The following TTN variants were observed in gnomAD, a reference collection of about 807,000 sequenced individuals.
TTN encodes titin, also known as connectin.
In TTN, 1,525 loss-of-function variants were observed where a neutral mutation model predicts 3,223.0. The observed-to-expected ratio is 0.47, with a 90% CI of 0.45 to 0.49. TTN has a LOEUF of 0.49. Ranked by LOEUF, TTN falls within the 20% of genes least tolerant of loss-of-function variation. The pLI, the probability that TTN is intolerant of heterozygous loss-of-function variation, is 0.00. For missense variants in TTN, 40,786 were observed against 43,424.0 expected, an observed-to-expected ratio of 0.94 and a Z score of 5.40; for synonymous variants, 14,094 against 15,161.0, an observed-to-expected ratio of 0.93 and a Z score of 5.17.
intron 43 of TTN, among the ~76,000 whole-genome samples, chr2:178,762,413 A>G (rs1293361463): frequency 6.6e-6 from 1 of 152,102 alleles, no homozygotes; most frequent in Admixed American, 6.5e-5. Flanking sequence ...AGATAGTGAA[A>G]TTTTTCTCTT....
At chr2:178,542,219 C>G (rs373730012) in intron 349 of TTN, 45 bp downstream of exon 349, 6 of 1,539,098 alleles carry the variant, frequency 3.9e-6, no homozygotes, top group Non-Finnish European at 4.4e-6. Flanking sequence ...TGTTAACATT[C>G]AGAATCAGAG....
rs939966359 is a variant in TTN, at chr2:178,769,763, T to C, written c.8818A>G (p.Ile2940Val). The C allele has an allele frequency of 6.2e-7, 1 of 1,614,092 alleles. No individual in the cohort carries two copies. Among genetic ancestry groups the C allele is most frequent in the Non-Finnish European group, 8.5e-7 (1 of 1,179,994 alleles). Residue 2940 changes from isoleucine to valine, a missense_variant, in exon 37 of 363, where the codon ATC becomes GTC. Transcript: ENST00000589042. The part of the protein sequence containing the change: ...VVQGKLHQLI[I>V]MNTSTEDSAE... ...GAGTCCTCTGTGCTGGTGTTCATGA[T>C]GATCAGCTGATGGAGTTTTCCCTGC...
chr2:178,559,253 A>C (rs779261376), intron 326 of TTN, 58 bp downstream of exon 326: 7 of 1,436,422 alleles, frequency 4.9e-6, no homozygotes, highest in Non-Finnish European at 6.6e-6. Flanking sequence ...AGAATGACTC[A>C]CACTATTCTA....
chr2:178,726,914 A>C (rs1270847149), intron 69 of TTN, 176 bp downstream of exon 69: 4 of 531,874 alleles, frequency 7.5e-6, no homozygotes, highest in Non-Finnish European at 1.2e-5. Context: ...ATGACTAGTT[A>C]CATGTAAGCA....
rs2056008838 is a variant in TTN at position 178,610,302 on chromosome 2, C to T, written c.51224G>A (p.Gly17075Asp). Residue 17075 changes from glycine to aspartate, a missense_variant, in exon 271 of 363, where the codon GGT becomes GAT. Coordinates refer to ENST00000589042, the MANE Select transcript of TTN (RefSeq NM_001267550.2). The stretch of plus-strand genomic sequence containing the variant: ...GACATAATGAAGAATTGGGGTTCCA[C>T]CATCAAATTCTGGAGGTTCCCAAGT... ...KLTWEPPEFD[G>D]GTPILHYVLE... 6.2e-7 allele frequency: 1 copy of T among 1,612,792 alleles called. No homozygotes were observed. Among genetic ancestry groups the T allele is most frequent in the Admixed American group, 1.7e-5 (1 of 59,940 alleles).
chr2:178,534,476 T>C lies in TTN; in HGVS notation c.102139A>G (p.Met34047Val), dbSNP rs755244797. The part of the protein sequence containing the change: ...EAFKEISIEA[M>V]DFVDRLLVKE... Reference sequence around the variant, plus strand: ...ACTAACAACCGGTCAACAAAATCCATGGCTTCAATGCTAATCTCTTTGAAT... The same window carrying C: ...ACTAACAACCGGTCAACAAAATCCACGGCTTCAATGCTAATCTCTTTGAAT... Residue 34047 changes from methionine (M) to valine (V), a missense_variant, in exon 358 of 363, where the codon ATG (methionine) becomes GTG (valine). Transcript: ENST00000589042. 6 of 1,613,700 alleles carry C rather than the reference T, an allele frequency of 3.7e-6. No homozygotes were observed. In the South Asian group the frequency reaches 5.5e-5, roughly 15 times the overall value.
chr2:178,636,467 C>G lies in TTN; in HGVS notation c.41260G>C (p.Gly13754Arg). 6.2e-7 allele frequency: 1 copy of G among 1,613,214 alleles called. No homozygotes were observed. Among genetic ancestry groups the G allele is most frequent in the Non-Finnish European group, 8.5e-7 (1 of 1,179,530 alleles). Reference protein sequence around the residue: ...HIIDVQLSDAGEYTCVLRLGN... With the variant: ...HIIDVQLSDAREYTCVLRLGN... ...AAACGTAAAACACAGGTGTATTCAC[C>G]AGCATCGGAAAGTTGAACATCAATG... Residue 13754 changes from glycine to arginine, a missense_variant, in exon 225 of 363, where the codon GGT (glycine) becomes CGT (arginine). Gly to Arg is a moderately radical substitution (Grantham distance 125). Transcript: ENST00000589042. The surrounding 1 kb of genome is among the most constrained non-coding windows in gnomAD (Gnocchi z 4.3).
chr2:178,696,884 C>T (rs2073833217), intron 113 of TTN, among the ~76,000 whole-genome samples: 1 of 152,016 alleles, frequency 6.6e-6, no homozygotes, highest in African/African-American at 2.4e-5. Flanking sequence ...CTTTCTAGCC[C>T]TCACTTCTTC....
At position 178,565,007 on chromosome 2, in the gene TTN, T is replaced by A; in HGVS notation, c.81125A>T (p.Glu27042Val). The A allele has an allele frequency of 6.2e-7, 1 of 1,613,274 alleles. No homozygotes were observed. Among genetic ancestry groups the A allele is most frequent in the Non-Finnish European group, 8.5e-7 (1 of 1,179,558 alleles). The change falls in exon 326 of 363, where the codon GAG becomes GTG. Residue 27042 changes from glutamate (E) to valine (V), a missense_variant. By Grantham distance (121) the Glu-to-Val change is moderately radical. Transcript: ENST00000589042. ...TTCAGCAAAAATTCTAAACTGGTACTCCGTGCCTGTTTTCAGTTTGGTTAT... is the reference window on the plus strand; with the variant it reads ...TTCAGCAAAAATTCTAAACTGGTACACCGTGCCTGTTTTCAGTTTGGTTAT... ...IKITKLKTGT[E>V]YQFRIFAENR...
chr2:178,532,070 C>T lies in TTN; in HGVS notation c.104545G>A (p.Glu34849Lys), dbSNP rs764917483. 5 of 1,613,812 alleles carry T rather than the reference C, an allele frequency of 3.1e-6. No individual in the cohort carries two copies. The Admixed American group carries it at 8.3e-5, about 27-fold the overall frequency. The stretch of plus-strand genomic sequence containing the variant: ...AGCTCAGACACTGGCCTCATTAACT[C>T]AATATAAGTTGGAGACAGGGAGCGC... ...RRRSLSPTYI[E>K]LMRPVSELIR... Residue 34849 changes from glutamate (E) to lysine (K), a missense_variant, in exon 358 of 363, where the codon GAG becomes AAG. Coordinates refer to ENST00000589042, the MANE Select transcript of TTN (RefSeq NM_001267550.2).
rs61216469 is a variant in TTN at position 178,637,146 on chromosome 2, GATATATATATAT to G, written c.40927+211_40927+222del. Among the ~76,000 whole-genome samples, 236 of 49,188 alleles carry G rather than the reference GATATATATATAT, an allele frequency of 4.8e-3. 3 individuals carry two copies. Among genetic ancestry groups the G allele is most frequent in the East Asian group, 0.017 (26 of 1,504 alleles). The allele number at this position is 49,188 out of a possible 152,430, so 32.3% of individuals were successfully genotyped here. On this transcript the variant is annotated intron_variant, in intron 224 of 362. Transcript: ENST00000589042. ...GATTCACTATGCTAAAATATAGTTG[GATATATATATAT>G]ATATATATATATATATATATATATA...
intron 43 of TTN, 119 bp from the exon 44 acceptor site, chr2:178,759,291 T>C: frequency 9.7e-7 from 1 of 1,028,550 alleles, no homozygotes; most frequent in Non-Finnish European, 1.5e-6. Flanking sequence ...CTTAATAACA[T>C]GATACTTTTC....
chr2:178,534,872 C>T lies in TTN; in HGVS notation c.101743G>A (p.Glu33915Lys), dbSNP rs1690736229. 6.2e-7 allele frequency: 1 copy of T among 1,608,472 alleles called. No individual in the cohort carries two copies. Among genetic ancestry groups the T allele is most frequent in the Non-Finnish European group, 8.5e-7 (1 of 1,179,812 alleles). ...NTSAFELNEREIVSYVHQVCE... is the reference protein window; with the variant it reads ...NTSAFELNERKIVSYVHQVCE... Reference sequence around the variant, plus strand: ...ACCTGGTGAACATAACTTACAATTTCTCTTTCATTAAGTTCAAAAGCACTT... The same window carrying T: ...ACCTGGTGAACATAACTTACAATTTTTCTTTCATTAAGTTCAAAAGCACTT... Residue 33915 changes from glutamate (E) to lysine (K), a missense_variant, in exon 358 of 363, where the codon GAA (glutamate) becomes AAA (lysine). Transcript: ENST00000589042.
chr2:178,600,841 C>T lies in TTN; in HGVS notation c.56050+13G>A, dbSNP rs1467207737. The T allele has an allele frequency of 6.2e-7, 1 of 1,612,582 alleles. No individual in the cohort carries two copies. The highest frequency in any genetic ancestry group is 2.2e-5 in the East Asian group (1 of 44,694). On this transcript the variant is annotated intron_variant, in intron 288 of 362. Coordinates refer to ENST00000589042, the MANE Select transcript of TTN (RefSeq NM_001267550.2). Reference sequence around the variant, plus strand: ...GTAAGGAGGACATTCTTTGTCAGTACATTGGTACTTACATGTCTGGTCTTT... The same window carrying T: ...GTAAGGAGGACATTCTTTGTCAGTATATTGGTACTTACATGTCTGGTCTTT...
rs774739564 is a variant in TTN at position 178,597,897 on chromosome 2, T to C, written c.57262+11A>G. The C allele has an allele frequency of 6.2e-7, 1 of 1,612,992 alleles. No individual in the cohort carries two copies. The highest frequency in any genetic ancestry group is 8.5e-7 in the Non-Finnish European group (1 of 1,179,484). ...TAAATACTGATGGCATAAGGAAGGATTGATAATTACCAAGTCTGTCCTTCA... is the reference window on the plus strand; with the variant it reads ...TAAATACTGATGGCATAAGGAAGGACTGATAATTACCAAGTCTGTCCTTCA... On this transcript the variant is annotated intron_variant, in intron 293 of 362. Coordinates refer to ENST00000589042, the MANE Select transcript of TTN (RefSeq NM_001267550.2).
At position 178,696,114 on chromosome 2, in the gene TTN, G is replaced by A. The variant is rs917773047; in HGVS notation, c.30958C>T (p.Pro10320Ser). The change falls in exon 114 of 363, where the codon CCT becomes TCT. Residue 10320 changes from proline (P) to serine (S), a missense_variant. By Grantham distance (74) the Pro-to-Ser change is moderately conservative. Transcript: ENST00000589042. ...KRVFIESFEE[P>S]YDELEVEPYT... ...GGTTCTACCTCCAGTTCGTCATAAG[G>A]TTCTTCGAAAGATTCAATGAAGACT... 4.5e-6 allele frequency: 7 copies of A among 1,551,594 alleles called. No homozygotes were observed. Among genetic ancestry groups the A allele is most frequent in the African/African-American group, 2.7e-5 (2 of 73,168 alleles).
chr2:178,532,275 G>A lies in TTN; in HGVS notation c.104340C>T (p.Thr34780=), dbSNP rs760997004. The A allele has an allele frequency of 1.2e-6, 2 of 1,613,850 alleles. No homozygotes were observed. Among genetic ancestry groups the A allele is most frequent in the Middle Eastern group, 1.6e-4 (1 of 6,062 alleles). ...CGCTTTTGTATTCTGAGAGATGCTG[G>A]GTGGTCGTAACTGGGCGAAGCAACT... ...DEELLRPVTT[T]QHLSEYKSEL... is the part of the protein sequence containing the mutation. Residue 34780 remains threonine, a synonymous_variant, in exon 358 of 363, where the codon ACC becomes ACT. Transcript: ENST00000589042.
chr2:178,795,941 A>G (rs959898741), intron 6 of TTN, among the ~76,000 whole-genome samples: 14 of 152,154 alleles, frequency 9.2e-5, no homozygotes, highest in African/African-American at 3.1e-4. Context: ...CCCCCCTTGT[A>G]TTGCACTCTG....
rs1382147499 is a variant in TTN at position 178,792,065 on chromosome 2, GACTT to G, written c.1662+3_1662+6del. 6.2e-7 allele frequency: 1 copy of G among 1,611,358 alleles called. No homozygotes were observed. Reference sequence around the variant, plus strand: ...AAACTACAAAATATTTAGAAAATCAGACTTACTGCTTCTTGAGTTACTTGTTTCT... The same window carrying G: ...AAACTACAAAATATTTAGAAAATCAGACTGCTTCTTGAGTTACTTGTTTCT... On this transcript the variant is annotated splice_donor_5th_base_variant and intron_variant, in intron 10 of 362. Coordinates refer to ENST00000589042, the MANE Select transcript of TTN (RefSeq NM_001267550.2).
Sources: gnomAD v4.1 joint callset for allele counts (sites outside exome capture counted in the v4.1 genomes callset) on GRCh38, gnomAD v4.1.1 for gene constraint, Gnocchi (gnomAD v3.1) non-coding constraint, MANE v1.5 for transcripts, NCBI Gene and HGNC (gene_info 2026-07-23, HGNC 2026-07-21) for gene names.